The following IKZF3 variants were observed in gnomAD, a reference collection of about 807,000 sequenced individuals.
IKZF3 encodes the protein zinc finger protein Aiolos.
Under a neutral mutation model 49.0 loss-of-function variants are expected in IKZF3, and 10 were observed. That is an observed-to-expected ratio of 0.20 (90% confidence interval 0.13 to 0.35). The LOEUF is 0.35. Ranked by LOEUF, IKZF3 falls within the 10% of genes least tolerant of loss-of-function variation. The pLI is 1.00. For synonymous variants in IKZF3, 209 were observed against 228.2 expected (o/e 0.92, Z 0.76); for missense variants, 498 against 664.8 (o/e 0.75, Z 2.76).
At chr17:39,791,696 G>A (rs2061026285) in intron 4 of IKZF3, 113 bp from the exon 5 acceptor site, 1 of 1,053,766 alleles carries the variant, frequency 9.5e-7, no homozygotes, top group Admixed American at 2.1e-5. Context: ...TGTTCACATT[G>A]GGATCAGTTG....
intron 1 of IKZF3, among the ~76,000 whole-genome samples, chr17:39,834,696 T>C (rs899731732): frequency 6.6e-6 from 1 of 152,182 alleles, no homozygotes. Flanking sequence ...CTGGTTTTTG[T>C]TGGTTTTCTT....
At chr17:39,802,618 A>G (rs1009511833) in intron 3 of IKZF3, among the ~76,000 whole-genome samples, 6 of 151,588 alleles carry the variant, frequency 4.0e-5, no homozygotes, top group African/African-American at 9.7e-5. Context: ...AAAAAAAAAA[A>G]AAGAAAAAAA....
intron 3 of IKZF3, among the ~76,000 whole-genome samples, chr17:39,815,479 T>C (rs987318529): frequency 1.3e-5 from 2 of 152,234 alleles, no homozygotes; most frequent in Non-Finnish European, 2.9e-5. Context: ...TTTTATTTTT[T>C]AGTTGCTCTG....
chr17:39,859,783 T>A (rs2063165604), intron 1 of IKZF3, among the ~76,000 whole-genome samples: 1 of 152,214 alleles, frequency 6.6e-6, no homozygotes, highest in African/African-American at 2.4e-5. Flanking sequence ...TATGGCCTTG[T>A]GATGTGTAGG....
intron 1 of IKZF3, among the ~76,000 whole-genome samples, chr17:39,832,876 A>G (rs2062153450): frequency 6.6e-6 from 1 of 152,160 alleles, no homozygotes; most frequent in Non-Finnish European, 1.5e-5. Flanking sequence ...AGAGGACTTG[A>G]ATTGTTTCCA....
intron 3 of IKZF3, among the ~76,000 whole-genome samples, chr17:39,815,598 T>C (rs940158488): frequency 6.6e-6 from 1 of 152,206 alleles, no homozygotes; most frequent in Admixed American, 6.5e-5. Context: ...ACATTTTAGA[T>C]CCAAGTAGAA....
intron 3 of IKZF3, among the ~76,000 whole-genome samples, chr17:39,824,686 C>A (rs1245181865): frequency 6.7e-6 from 1 of 149,792 alleles, no homozygotes; most frequent in Non-Finnish European, 1.5e-5. Context: ...CTCATAAGAT[C>A]TGATGGCTTT....
intron 3 of IKZF3, among the ~76,000 whole-genome samples, chr17:39,817,513 ACAACAGCTT>A (rs1332755140): frequency 1.3e-5 from 2 of 152,218 alleles, no homozygotes; most frequent in African/African-American, 4.8e-5. Context: ...ATCATGATGC[ACAACAGCTT>A]CAAACGCCTG....
At position 39,851,513 on chromosome 17, in the gene IKZF3, C is replaced by CTTTT. The variant is rs1219181293; in HGVS notation, c.7+12606_7+12607insAAAA. On this transcript the variant is annotated intron_variant, in intron 1 of 7. Coordinates refer to ENST00000346872, the MANE Select transcript of IKZF3 (RefSeq NM_012481.5). ...AGTGAACTACTAATAAATATAACAA[C>CTTTT]TTGGATGGATCTCAAAAATCTATTG... Among the ~76,000 whole-genome samples, 5 of 152,202 alleles carry CTTTT rather than the reference C, an allele frequency of 3.3e-5. No homozygotes were observed. The East Asian group carries it at 9.6e-4, about 29-fold the overall frequency.
At chr17:39,818,410 C>T (rs1267482309) in intron 3 of IKZF3, among the ~76,000 whole-genome samples, 2 of 152,188 alleles carry the variant, frequency 1.3e-5, no homozygotes, top group Non-Finnish European at 2.9e-5. Context: ...TGTTGACTCT[C>T]TCTCAAAATA....
intron 1 of IKZF3, among the ~76,000 whole-genome samples, chr17:39,832,471 GA>G (rs1053879339): frequency 6.7e-6 from 1 of 150,302 alleles, no homozygotes; most frequent in African/African-American, 2.4e-5. Context: ...TGAACACATA[GA>G]AAAAAAGAGT....
intron 1 of IKZF3, among the ~76,000 whole-genome samples, chr17:39,855,987 G>A (rs555751464): frequency 6.6e-6 from 1 of 150,400 alleles, no homozygotes; most frequent in Non-Finnish European, 1.5e-5. Context: ...AATATAACAT[G>A]TATATTGTAT....
intron 1 of IKZF3, among the ~76,000 whole-genome samples, chr17:39,845,738 T>G (rs1366186693): frequency 6.6e-6 from 1 of 152,158 alleles, no homozygotes; most frequent in Non-Finnish European, 1.5e-5. Flanking sequence ...CTTCTATGTT[T>G]ACTTTCAAAA....
Position 39,766,252 on chromosome 17 carries a change from A to C in IKZF3, c.1068T>G (p.Pro356=), listed in dbSNP as rs2060288637. 6.2e-7 allele frequency: 1 copy of C among 1,614,046 alleles called. No individual in the cohort carries two copies. The highest frequency in any genetic ancestry group is 2.2e-5 in the East Asian group (1 of 44,884). Residue 356 remains proline (P), a synonymous_variant, in exon 8 of 8, where the codon CCT becomes CCG. Transcript: ENST00000346872. ...GGATGCTTTTCTTTTCCAGCTCTTG[A>C]GGGGCACCGTTTGACATCTCAGCCC... is the stretch of plus-strand genomic sequence containing the variant. ...LTRAEMSNGA[P]QELEKKSIHL... is the part of the protein sequence containing the mutation.
intron 4 of IKZF3, 75 bp from the exon 5 acceptor site, chr17:39,791,658 G>A: frequency 1.4e-6 from 2 of 1,435,720 alleles, no homozygotes; most frequent in Non-Finnish European, 9.7e-7. Context: ...AGATGCCTAG[G>A]GGAAAAGCTC....
intron 6 of IKZF3, among the ~76,000 whole-genome samples, chr17:39,787,426 A>T (rs1337724998): frequency 2.0e-5 from 3 of 152,244 alleles, no homozygotes; most frequent in Non-Finnish European, 4.4e-5. Flanking sequence ...ATATGAGTAG[A>T]CAAGGATATA....
intron 3 of IKZF3, among the ~76,000 whole-genome samples, chr17:39,815,097 T>C (rs2061649038): frequency 6.6e-6 from 1 of 152,194 alleles, no homozygotes; most frequent in African/African-American, 2.4e-5. Context: ...CCAACTTTTA[T>C]TCCTCAGCTA....
intron 7 of IKZF3, among the ~76,000 whole-genome samples, chr17:39,773,097 G>C (rs191550503): frequency 9.1e-4 from 139 of 152,308 alleles, no homozygotes; most frequent in Admixed American, 2.1e-3. Flanking sequence ...TTACAGGTGT[G>C]AGCCACTGCA....
intron 3 of IKZF3, among the ~76,000 whole-genome samples, chr17:39,793,606 A>G (rs2061085610): frequency 6.6e-6 from 1 of 152,236 alleles, no homozygotes; most frequent in Non-Finnish European, 1.5e-5. Context: ...TAACCTAAGG[A>G]GTCACTTTCA....
Sources: allele counts gnomAD v4.1 joint callset (sites outside exome capture counted in the v4.1 genomes callset), GRCh38; gene constraint gnomAD v4.1.1; transcripts MANE v1.5; gene names NCBI Gene and HGNC (gene_info 2026-07-23, HGNC 2026-07-21).